Variants in FAM107A observed in about 807,000 individuals in gnomAD.
FAM107A encodes actin-associated protein FAM107A.
Under a neutral mutation model 13.7 loss-of-function variants are expected in FAM107A, and 19 were observed. The observed-to-expected ratio is 1.38, with a 90% CI of 0.97 to 2.03. The LOEUF is 2.03. Among genes scored for constraint, FAM107A ranks in the 30% most tolerant of loss-of-function variants. The probability of loss-of-function intolerance (pLI) is 0.00; values close to 1 mark genes in which losing one functional copy is unlikely to be tolerated. For synonymous variants in FAM107A, 82 were observed against 74.5 expected, an observed-to-expected ratio of 1.10 and a Z score of -0.52; for missense variants, 203 against 184.4, an observed-to-expected ratio of 1.10 and a Z score of -0.58.
chr3:58,605,335 C>A (rs377475459), intron 1 of FAM107A, among the ~76,000 whole-genome samples: 48 of 152,314 alleles, frequency 3.2e-4, no homozygotes, highest in South Asian at 1.0e-3. Context: ...TGGGCAAGAA[C>A]CTGTGGGTCA....
rs942426617 is a variant in FAM107A, at chr3:58,627,104, C to T, written c.-70+312G>A. On this transcript the variant is annotated intron_variant, in intron 1 of 3. Coordinates refer to the FAM107A transcript ENST00000465970. The stretch of plus-strand genomic sequence containing the variant: ...CCCAAGGGGCTCCCGGGGCGAGGGC[C>T]CCCTGTCCTCTTGCGGCTCATTCTC... The T allele has an allele frequency of 1.5e-5, 16 of 1,063,594 alleles. No individual in the cohort carries two copies. The Admixed American group carries it at 3.0e-4, about 20-fold the overall frequency. The allele number at this position is 1,063,594 out of a possible 1,614,324, so 65.9% of individuals were successfully genotyped here. A position where few individuals can be genotyped will look rare whatever the true frequency, so the allele number is the denominator to read the frequency against.
At chr3:58,623,296 A>T (rs910334548) in intron 1 of FAM107A, among the ~76,000 whole-genome samples, 1 of 152,186 alleles carries the variant, frequency 6.6e-6, no homozygotes, top group Admixed American at 6.5e-5. Context: ...GTCTTGGTAA[A>T]CAACAGGGTC....
chr3:58,581,384 C>T (rs2065540627), upstream of FAM107A, among the ~76,000 whole-genome samples: 1 of 152,228 alleles, frequency 6.6e-6, no homozygotes, highest in Non-Finnish European at 1.5e-5. Flanking sequence ...AATAACCTCC[C>T]CAAACAGCTT....
At chr3:58,586,864 G>A (rs951493005) in exon 1 of FAM107A, 6 of 1,530,330 alleles carry the variant, frequency 3.9e-6, no homozygotes, top group African/African-American at 1.4e-5. Flanking sequence ...TTACCCGACC[G>A]GAGCAGCACA....
chr3:58,575,076 C>T (rs868173829), intron 1 of FAM107A, among the ~76,000 whole-genome samples: 1 of 152,208 alleles, frequency 6.6e-6, no homozygotes, highest in Non-Finnish European at 1.5e-5. Flanking sequence ...GCCTCAGTGT[C>T]CCTTCCACTT....
intron 1 of FAM107A, among the ~76,000 whole-genome samples, chr3:58,594,148 G>T (rs1269517767): frequency 6.6e-6 from 1 of 152,030 alleles, no homozygotes; most frequent in Non-Finnish European, 1.5e-5. Context: ...AACCATTAGG[G>T]GCTTTTCAGC....
intron 1 of FAM107A, among the ~76,000 whole-genome samples, chr3:58,600,786 A>T (rs1414166890): frequency 6.6e-6 from 1 of 152,112 alleles, no homozygotes; most frequent in Non-Finnish European, 1.5e-5. Context: ...AGGGGGAGAA[A>T]TGCCACAGGG....
At chr3:58,587,578 A>G (rs2108062910), upstream of FAM107A, among the ~76,000 whole-genome samples, 1 of 151,970 alleles carries the variant, frequency 6.6e-6, no homozygotes, top group East Asian at 1.9e-4. Context: ...GTACTTTAAA[A>G]CATGTCACAA....
intron 1 of FAM107A, among the ~76,000 whole-genome samples, chr3:58,593,580 CT>C (rs55829290): frequency 4.5e-4 from 66 of 147,658 alleles, no homozygotes; most frequent in Non-Finnish European, 5.4e-4. Flanking sequence ...TGACGAAGTC[CT>C]TTTTTTTTTT....
intron 1 of FAM107A, among the ~76,000 whole-genome samples, chr3:58,616,455 T>C (rs1443682521): frequency 1.3e-5 from 2 of 151,856 alleles, no homozygotes; most frequent in East Asian, 3.9e-4. Context: ...GGAAAGCAGA[T>C]GTAGTCAAGT....
intron 1 of FAM107A, chr3:58,607,796 G>C (rs548845741): frequency 6.6e-6 from 1 of 152,204 alleles, no homozygotes; most frequent in Non-Finnish European, 1.5e-5. Context: ...AACCTCTGGG[G>C]CCTTCTGTTC....
chr3:58,578,492 T>C (rs1272601522), upstream of FAM107A, among the ~76,000 whole-genome samples: 1 of 152,032 alleles, frequency 6.6e-6, no homozygotes, highest in African/African-American at 2.4e-5. Flanking sequence ...TGCTTGAACT[T>C]GGGAGGCAGA....
At chr3:58,600,889 C>G (rs2065747547) in intron 1 of FAM107A, among the ~76,000 whole-genome samples, 1 of 152,188 alleles carries the variant, frequency 6.6e-6, no homozygotes, top group Non-Finnish European at 1.5e-5. Flanking sequence ...CCCGACAAAA[C>G]CCTCACAGGT....
intron 1 of FAM107A, among the ~76,000 whole-genome samples, chr3:58,600,462 G>A (rs1019291210): frequency 3.3e-5 from 5 of 152,270 alleles, no homozygotes; most frequent in South Asian, 2.1e-4. Context: ...CAGCTATATC[G>A]TCATCCCATT....
intron 2 of FAM107A, among the ~76,000 whole-genome samples, chr3:58,568,308 A>G (rs2108037433): frequency 6.6e-6 from 1 of 151,934 alleles, no homozygotes; most frequent in Non-Finnish European, 1.5e-5. Context: ...GGTGGCGGGC[A>G]CCTGTAGTCC....
At chr3:58,608,517 C>T (rs112835310) in intron 1 of FAM107A, among the ~76,000 whole-genome samples, 3,641 of 152,252 alleles carry the variant, frequency 0.024, 68 homozygotes, top group Non-Finnish European at 0.033. Flanking sequence ...CCAGGCAGCT[C>T]CCCTGGACCA....
At position 58,569,702 on chromosome 3, in the gene FAM107A, C is replaced by A; in HGVS notation, c.159G>T (p.Met53Ile). The A allele has an allele frequency of 6.2e-7, 1 of 1,613,394 alleles. No individual in the cohort carries two copies. Among genetic ancestry groups the A allele is most frequent in the South Asian group, 1.1e-5 (1 of 90,992 alleles). The stretch of plus-strand genomic sequence containing the variant: ...GGCTTCATCCCTACCTTCTGTGGTT[C>A]ATGAGCAGCTCCCGGTGGAGCTCCT... ...SHQELHRELL[M>I]NHRRGLGVDS... Residue 53 changes from methionine to isoleucine, a missense_variant, in exon 2 of 4, where the codon ATG becomes ATT. Transcript: ENST00000360997. The surrounding 1 kb of genome is among the most constrained non-coding windows in gnomAD (Gnocchi z 5.7).
Position 58,573,301 on chromosome 3 carries a change from C to G in FAM107A, c.-5-3436G>C, listed in dbSNP as rs993152414. Among the ~76,000 whole-genome samples the G allele has an allele frequency of 3.3e-5, 5 of 152,304 alleles. No individual in the cohort carries two copies. In the East Asian group the frequency reaches 5.8e-4, roughly 18 times the overall value. ...GACCCCCAGGACTTAGAAAGCTGAG[C>G]CAGCCTTTCTGCCTTTTAATTTATT... On this transcript the variant is annotated intron_variant, in intron 1 of 3. Transcript: ENST00000360997.
At chr3:58,621,805 G>A (rs1277261949) in intron 1 of FAM107A, among the ~76,000 whole-genome samples, 1 of 152,194 alleles carries the variant, frequency 6.6e-6, no homozygotes, top group Admixed American at 6.5e-5. Context: ...GAGAACTTGA[G>A]CTCAGGATGC....
Sources: gnomAD v4.1 joint callset for allele counts (sites outside exome capture counted in the v4.1 genomes callset) on GRCh38, gnomAD v4.1.1 for gene constraint, Gnocchi (gnomAD v3.1) non-coding constraint, MANE v1.5 for transcripts, NCBI Gene and HGNC (gene_info 2026-07-23, HGNC 2026-07-21) for gene names.